PSD: variants seen among roughly 807,000 people sequenced by gnomAD.
The protein encoded by PSD is PH and SEC7 domain-containing protein 1.
PSD carries 32 observed loss-of-function variants against 91.6 expected under a neutral mutation model. The ratio of observed to expected loss-of-function variants is 0.35; its 90% CI spans 0.26 to 0.47. The LOEUF is 0.47. Ranked by LOEUF, PSD falls within the 20% of genes least tolerant of loss-of-function variation. The pLI, the probability that PSD is intolerant of heterozygous loss-of-function variation, is 1.00. For missense variants in PSD, 1,099 were observed against 1,373.9 expected, an observed-to-expected ratio of 0.80 and a Z score of 3.16; for synonymous variants, 532 against 569.3, an observed-to-expected ratio of 0.93 and a Z score of 0.93.
intron 11 of PSD, chr10:102,406,045 T>C (rs1425338862): frequency 6.4e-6 from 1 of 156,456 alleles, no homozygotes; most frequent in Non-Finnish European, 1.4e-5. Context: ...CAAGAACCTG[T>C]GGTAGTTCCC....
Position 102,409,128 on chromosome 10 carries a change from G to A in PSD, c.2091+1730C>T, listed in dbSNP as rs2061398000. ...CCGGCGCGCCGCGGCCCCCGGCCATGCCCCCGTCCGCCCTCGGCCCCCGGG... is the reference window on the plus strand; with the variant it reads ...CCGGCGCGCCGCGGCCCCCGGCCATACCCCCGTCCGCCCTCGGCCCCCGGG... On this transcript the variant is annotated intron_variant, in intron 10 of 16. Coordinates refer to ENST00000020673, the MANE Select transcript of PSD (RefSeq NM_002779.5). The surrounding 1 kb of genome is among the most constrained non-coding windows in gnomAD (Gnocchi z 5.7). The A allele has an allele frequency of 2.0e-6, 2 of 981,130 alleles. No individual in the cohort carries two copies. Among genetic ancestry groups the A allele is most frequent in the Admixed American group, 1.3e-4 (2 of 15,906 alleles). The allele number at this position is 981,130 out of a possible 1,614,324, so 60.8% of individuals were successfully genotyped here.
Position 102,409,215 on chromosome 10 carries a change from G to C in PSD, c.2091+1643C>G. ...CAGCGCGAGCGGCGCGGCCCGGCCC[G>C]AGCCGGCCCGGCTCTCACGGACGCA... On this transcript the variant is annotated intron_variant, in intron 10 of 16. Transcript: ENST00000020673. The surrounding 1 kb of genome is among the most constrained non-coding windows in gnomAD (Gnocchi z 5.7). 2 of 982,570 alleles carry C rather than the reference G, an allele frequency of 2.0e-6. No individual in the cohort carries two copies. Among genetic ancestry groups the C allele is most frequent in the Non-Finnish European group, 2.4e-6 (2 of 828,938 alleles). 60.9% of individuals were successfully genotyped at this position (982,570 alleles called of 1,614,324 possible). A position where few individuals can be genotyped will look rare whatever the true frequency, so the allele number is the denominator to read the frequency against.
chr10:102,417,514 C>T (rs993472207), intron 1 of PSD, among the ~76,000 whole-genome samples: 1 of 151,996 alleles, frequency 6.6e-6, no homozygotes, highest in African/African-American at 2.4e-5. Context: ...CCTGTGACCC[C>T]TATAGTCTCT....
At chr10:102,407,309 C>T (rs1296319885) in intron 10 of PSD, 43 bp from the exon 11 acceptor site, 2 of 1,370,510 alleles carry the variant, frequency 1.5e-6, no homozygotes, top group Middle Eastern at 2.0e-4. Context: ...TGGGTCAGTA[C>T]CGCAGTGTCA....
chr10:102,418,732 G>T lies in PSD; in HGVS notation c.-115C>A, dbSNP rs564612227. ...TCGCCCAGAGCTGAGACCGAGGAGAGACAGAGGAGAGGCTGGGCCCAGCTG... is the reference window on the plus strand; with the variant it reads ...TCGCCCAGAGCTGAGACCGAGGAGATACAGAGGAGAGGCTGGGCCCAGCTG... On this transcript the variant is annotated 5_prime_UTR_variant, in exon 1 of 17. Coordinates refer to ENST00000020673, the MANE Select transcript of PSD (RefSeq NM_002779.5). 8.1e-4 allele frequency: 367 copies of T among 455,886 alleles called. No individual in the cohort carries two copies. Among genetic ancestry groups the T allele is most frequent in the Non-Finnish European group, 1.5e-3 (343 of 226,700 alleles). The allele number at this position is 455,886 out of a possible 1,614,324, so 28.2% of individuals were successfully genotyped here. A position where few individuals can be genotyped will look rare whatever the true frequency, so the allele number is the denominator to read the frequency against.
chr10:102,411,968 A>G, intron 7 of PSD, 149 bp from the exon 8 acceptor site: 1 of 932,036 alleles, frequency 1.1e-6, no homozygotes, highest in Non-Finnish European at 1.7e-6. Context: ...CCCTCCACCC[A>G]TCACCCCTAC....
rs1414454313 is a variant in PSD at position 102,410,595 on chromosome 10, T to G, written c.2091+263A>C. On this transcript the variant is annotated intron_variant, in intron 10 of 16. Coordinates refer to ENST00000020673, the MANE Select transcript of PSD (RefSeq NM_002779.5). The surrounding 1 kb of genome is among the most constrained non-coding windows in gnomAD (Gnocchi z 6.0). The stretch of plus-strand genomic sequence containing the variant: ...GGCAAACGCAGGGGCCGGGGCCGCC[T>G]GCTCGCGTTTTCCAGAGCCGGGTCC... Among the ~76,000 whole-genome samples the G allele has an allele frequency of 6.6e-6, 1 of 152,202 alleles. No homozygotes were observed. Among genetic ancestry groups the G allele is most frequent in the African/African-American group, 2.4e-5 (1 of 41,452 alleles).
intron 1 of PSD, 116 bp downstream of exon 1, chr10:102,418,585 T>C: frequency 2.6e-6 from 1 of 391,810 alleles, no homozygotes; most frequent in South Asian, 1.8e-5. Flanking sequence ...CTGGTGGCAA[T>C]GCAGGGGAGG....
Position 102,416,558 on chromosome 10 carries a change from C to T in PSD, c.481G>A (p.Ala161Thr), listed in dbSNP as rs371282553. The T allele has an allele frequency of 3.4e-5, 55 of 1,603,750 alleles. 1 individual carries two copies. Among genetic ancestry groups the T allele is most frequent in the African/African-American group, 2.7e-4 (20 of 74,696 alleles). Residue 161 changes from alanine (A) to threonine (T), a missense_variant, in exon 2 of 17, where the codon GCC becomes ACC. Physicochemically the swap from Ala to Thr is moderately conservative, Grantham distance 58. Around this residue, in one of 3 missense-constraint regions of PSD, gnomAD observed 631 missense variants for 728.8 expected, o/e 0.87. Transcript: ENST00000020673. This position sits in a 1 kb window ranked among gnomAD's most constrained non-coding sequence, Gnocchi z 6.0. ...LEASTSDPLP[A>T]RGGSALPGSR... ...CCAGGTAGGGCCGAGCCTCCTCTGGCGGGGAGTGGGTCTGATGTGGATGCT... is the reference window on the plus strand; with the variant it reads ...CCAGGTAGGGCCGAGCCTCCTCTGGTGGGGAGTGGGTCTGATGTGGATGCT...
chr10:102,416,116 C>A lies in PSD; in HGVS notation c.658G>T (p.Asp220Tyr). 1 of 1,611,078 alleles carries A rather than the reference C, an allele frequency of 6.2e-7. No homozygotes were observed. ...ACTTCCCGGGGGGAGGACCAGGTAT[C>A]CCCCTGAGCCAACGAGGGAGACACA... is the stretch of plus-strand genomic sequence containing the variant. ...PADTGFLNQG[D>Y]TWSSPREVSS... The change falls in exon 3 of 17, where the codon GAT becomes TAT. Residue 220 changes from aspartate (D) to tyrosine (Y), a missense_variant. Asp to Tyr is a radical substitution (Grantham distance 160, BLOSUM62 -3). Around this residue, in one of 3 missense-constraint regions of PSD, gnomAD observed 631 missense variants for 728.8 expected, o/e 0.87. Coordinates refer to ENST00000020673, the MANE Select transcript of PSD (RefSeq NM_002779.5). The surrounding 1 kb of genome is among the most constrained non-coding windows in gnomAD (Gnocchi z 6.0).
rs747478972 is a variant in PSD at position 102,407,268 on chromosome 10, TG to T, written c.2092-3del. On this transcript the variant is annotated splice_region_variant and splice_polypyrimidine_tract_variant and intron_variant, in intron 10 of 16. Coordinates refer to ENST00000020673, the MANE Select transcript of PSD (RefSeq NM_002779.5). ...ATTCTTGATGGAGCTGTACAAGGCCTGGGGGGTGGGGGGAACAAATTAGGGG... is the reference window on the plus strand; with the variant it reads ...ATTCTTGATGGAGCTGTACAAGGCCTGGGGGTGGGGGGAACAAATTAGGGG... 17 of 1,577,952 alleles carry T rather than the reference TG, an allele frequency of 1.1e-5. No homozygotes were observed. The highest frequency in any genetic ancestry group is 2.3e-5 in the South Asian group (2 of 86,114).
intron 11 of PSD, among the ~76,000 whole-genome samples, chr10:102,406,990 T>A (rs1017127943): frequency 4.6e-5 from 7 of 151,950 alleles, no homozygotes; most frequent in Non-Finnish European, 8.8e-5. Flanking sequence ...TTTCAGCACC[T>A]CTCCTCCCAC....
rs1208742557 is a variant in PSD at position 102,404,623 on chromosome 10, C to G, written c.2660G>C (p.Ser887Thr). The G allele has an allele frequency of 6.2e-7, 1 of 1,612,012 alleles. No individual in the cohort carries two copies. The highest frequency in any genetic ancestry group is 1.1e-5 in the South Asian group (1 of 90,810). The part of the protein sequence containing the change: ...PAAVSSQKKF[S>T]RPLLPSAATR... ...GGCAGCGCTGGGCAGGAGAGGGCGG[C>G]TGAACTTCTTTTGGGAGCTAACAGC... The change falls in exon 15 of 17, where the codon AGC becomes ACC. Residue 887 changes from serine (S) to threonine (T), a missense_variant. By Grantham distance (58) the Ser-to-Thr change is moderately conservative. This residue lies in a region of PSD where 358 missense variants were observed against 426.5 expected (regional missense o/e 0.84). Transcript: ENST00000020673. This position sits in a 1 kb window ranked among gnomAD's most constrained non-coding sequence, Gnocchi z 5.7.
Position 102,409,678 on chromosome 10 carries a change from C to T in PSD, c.2091+1180G>A, listed in dbSNP as rs2135454673. Among the ~76,000 whole-genome samples the T allele has an allele frequency of 6.6e-6, 1 of 152,242 alleles. No homozygotes were observed. The highest frequency in any genetic ancestry group is 2.4e-5 in the African/African-American group (1 of 41,522). On this transcript the variant is annotated intron_variant, in intron 10 of 16. Coordinates refer to ENST00000020673, the MANE Select transcript of PSD (RefSeq NM_002779.5). The surrounding 1 kb of genome is among the most constrained non-coding windows in gnomAD (Gnocchi z 5.7). ...CCACCCATATATAGATCTGAAGTCA[C>T]GTAACACACCTCGATTCTGACATAC...
Position 102,414,830 on chromosome 10 carries a change from T to C in PSD, c.1124+33A>G. On this transcript the variant is annotated intron_variant, in intron 4 of 16. Coordinates refer to ENST00000020673, the MANE Select transcript of PSD (RefSeq NM_002779.5). The surrounding 1 kb of genome is among the most constrained non-coding windows in gnomAD (Gnocchi z 5.6). ...AGTGCGAAGGAGCAAGCCGCTTCCC[T>C]CTCCCACTTCCCCCTCCCACTTCCC... 1 of 1,486,238 alleles carries C rather than the reference T, an allele frequency of 6.7e-7. No homozygotes were observed. Among genetic ancestry groups the C allele is most frequent in the Non-Finnish European group, 8.9e-7 (1 of 1,123,000 alleles). 92.1% of individuals were successfully genotyped at this position (1,486,238 alleles called of 1,614,324 possible).
Position 102,403,284 on chromosome 10 carries a change from C to T in PSD, c.2991G>A (p.Gln997=), listed in dbSNP as rs1380452691. ...LPPSHSSPSL[Q]PKPSSQPRAQ... is the part of the protein sequence containing the mutation. ...CCCGGGGCTGGCTGGAGGGTTTGGGCTGCAGGGAGGGACTGGAGTGAGAAG... is the reference window on the plus strand; with the variant it reads ...CCCGGGGCTGGCTGGAGGGTTTGGGTTGCAGGGAGGGACTGGAGTGAGAAG... The change falls in exon 17 of 17, where the codon CAG becomes CAA. Residue 997 remains glutamine, a synonymous_variant. Transcript: ENST00000020673. The surrounding 1 kb of genome is among the most constrained non-coding windows in gnomAD (Gnocchi z 6.7). The T allele has an allele frequency of 1.2e-6, 2 of 1,613,406 alleles. No individual in the cohort carries two copies. Among genetic ancestry groups the T allele is most frequent in the Non-Finnish European group, 1.7e-6 (2 of 1,179,604 alleles).
In PSD at chr10:102,415,053, C is replaced by T. The variant is rs756133116; in HGVS notation, c.934G>A (p.Asp312Asn). The T allele has an allele frequency of 4.3e-6, 7 of 1,613,944 alleles. No homozygotes were observed. Among genetic ancestry groups the T allele is most frequent in the South Asian group, 2.2e-5 (2 of 91,060 alleles). ...DEVLAEREEA[D>N]SAIESQPSSE... ...CTGGGCTGACTTTCGATGGCCGAGTCGGCCTCCTCCCGCTCAGCCAGCACC... is the reference window on the plus strand; with the variant it reads ...CTGGGCTGACTTTCGATGGCCGAGTTGGCCTCCTCCCGCTCAGCCAGCACC... Residue 312 changes from aspartate (D) to asparagine (N), a missense_variant, in exon 4 of 17, where the codon GAC becomes AAC. By Grantham distance (23) the Asp-to-Asn change is conservative. This residue lies in a region of PSD where 631 missense variants were observed against 728.8 expected (regional missense o/e 0.87). Transcript: ENST00000020673.
In PSD at chr10:102,410,066, C is replaced by T. The variant is rs1387271905; in HGVS notation, c.2091+792G>A. Among the ~76,000 whole-genome samples the T allele has an allele frequency of 9.9e-5, 15 of 152,184 alleles. No homozygotes were observed. Among genetic ancestry groups the T allele is most frequent in the Admixed American group, 9.2e-4 (14 of 15,288 alleles). On this transcript the variant is annotated intron_variant, in intron 10 of 16. Coordinates refer to ENST00000020673, the MANE Select transcript of PSD (RefSeq NM_002779.5). The surrounding 1 kb of genome is among the most constrained non-coding windows in gnomAD (Gnocchi z 6.0). ...ATACCCCAAACTCAGAAGCCCAGCACCCCAAGCTCACAGAAACGCCCTAGG... is the reference window on the plus strand; with the variant it reads ...ATACCCCAAACTCAGAAGCCCAGCATCCCAAGCTCACAGAAACGCCCTAGG...
In PSD at chr10:102,410,762, G is replaced by A; in HGVS notation, c.2091+96C>T. The A allele has an allele frequency of 1.0e-6, 1 of 968,542 alleles. No homozygotes were observed. Among genetic ancestry groups the A allele is most frequent in the Non-Finnish European group, 1.6e-6 (1 of 607,516 alleles). 60.0% of individuals were successfully genotyped at this position (968,542 alleles called of 1,614,324 possible). ...CGTGGCAGGAGCCGGGGGTCGGCAAGCCCCAGCCCTGCCCTCCCTCCGACT... is the reference window on the plus strand; with the variant it reads ...CGTGGCAGGAGCCGGGGGTCGGCAAACCCCAGCCCTGCCCTCCCTCCGACT... On this transcript the variant is annotated intron_variant, in intron 10 of 16. Coordinates refer to ENST00000020673, the MANE Select transcript of PSD (RefSeq NM_002779.5). The surrounding 1 kb of genome is among the most constrained non-coding windows in gnomAD (Gnocchi z 6.0).
Sources: gnomAD v4.1 joint callset for allele counts (sites outside exome capture counted in the v4.1 genomes callset) on GRCh38, gnomAD v4.1.1 for gene constraint, gnomAD v4.1.1 regional missense constraint, Gnocchi (gnomAD v3.1) non-coding constraint, MANE v1.5 for transcripts, NCBI Gene and HGNC (gene_info 2026-07-23, HGNC 2026-07-21) for gene names.